Variants in NETO1 observed in about 807,000 individuals in gnomAD.
NETO1 encodes the protein neuropilin and tolloid-like protein 1.
NETO1 carries 26 observed loss-of-function variants against 61.3 expected under a neutral mutation model. The ratio of observed to expected loss-of-function variants is 0.42; its 90% CI spans 0.31 to 0.59. The LOEUF is 0.59. Among genes scored for constraint, NETO1 ranks in the 20% least tolerant of loss-of-function variants. NETO1 has a pLI of 0.12. For missense variants in NETO1, 531 were observed against 662.8 expected (o/e 0.80, Z 2.18); for synonymous variants, 225 against 225.8 (o/e 1.00, Z 0.03).
intron 4 of NETO1, among the ~76,000 whole-genome samples, chr18:72,824,569 TAAA>T (rs955286435): frequency 1.2e-4 from 19 of 152,234 alleles, no homozygotes; most frequent in Admixed American, 1.2e-3. Flanking sequence ...TGAATTGCCA[TAAA>T]AGAGATTTGG....
At chr18:72,819,567 AT>A (rs1163660212) in intron 4 of NETO1, among the ~76,000 whole-genome samples, 3 of 152,190 alleles carry the variant, frequency 2.0e-5, no homozygotes, top group African/African-American at 7.2e-5. Flanking sequence ...ACACTAAAAT[AT>A]GTAAAGAAAT....
intron 7 of NETO1, among the ~76,000 whole-genome samples, chr18:72,777,592 A>G (rs1002066021): frequency 2.6e-5 from 4 of 151,420 alleles, no homozygotes; most frequent in Non-Finnish European, 4.4e-5. Flanking sequence ...ATACAAAAAA[A>G]ATTAGCAGGG....
intron 4 of NETO1, among the ~76,000 whole-genome samples, 195 bp downstream of exon 4, chr18:72,858,631 T>C (rs1599177425): frequency 6.6e-6 from 1 of 152,168 alleles, no homozygotes; most frequent in South Asian, 2.1e-4. Flanking sequence ...TTACCTCTAG[T>C]ATAGGCTGTT....
chr18:72,810,384 T>G (rs1426318453), intron 4 of NETO1, among the ~76,000 whole-genome samples: 1 of 152,170 alleles, frequency 6.6e-6, no homozygotes, highest in African/African-American at 2.4e-5. Context: ...CTAGAAAGCA[T>G]AGTCTCCATC....
At chr18:72,799,304 T>A (rs564586457) in intron 4 of NETO1, among the ~76,000 whole-genome samples, 1 of 152,204 alleles carries the variant, frequency 6.6e-6, no homozygotes, top group African/African-American at 2.4e-5. Flanking sequence ...GGATGACGAG[T>A]CTACCAGTAC....
At chr18:72,827,716 C>CA (rs535573315) in intron 4 of NETO1, among the ~76,000 whole-genome samples, 16,592 of 99,948 alleles carry the variant, frequency 0.17, 1,717 homozygotes, top group East Asian at 0.37. Flanking sequence ...GACCCTGTCT[C>CA]AAAAAAAAAA....
At chr18:72,761,853 C>T (rs1432459512) in intron 7 of NETO1, among the ~76,000 whole-genome samples, 2 of 152,052 alleles carry the variant, frequency 1.3e-5, no homozygotes, top group Non-Finnish European at 2.9e-5. Flanking sequence ...AAATTTAGTA[C>T]AATATTTTGC....
At position 72,778,967 on chromosome 18, in the gene NETO1, T is replaced by C. The variant is rs549951388; in HGVS notation, c.868+4711A>G. ...CTAGAACAAAATACCATAGACTAGATGGCTTGTAAACAACATTAAAAATTC... is the reference window on the plus strand; with the variant it reads ...CTAGAACAAAATACCATAGACTAGACGGCTTGTAAACAACATTAAAAATTC... On this transcript the variant is annotated intron_variant, in intron 7 of 10. Coordinates refer to ENST00000327305, the MANE Select transcript of NETO1 (RefSeq NM_138966.5). Among the ~76,000 whole-genome samples, 786 of 152,312 alleles carry C rather than the reference T, an allele frequency of 5.2e-3. 5 individuals are homozygous for C. Among genetic ancestry groups the C allele is most frequent in the African/African-American group, 0.018 (749 of 41,570 alleles).
Position 72,783,710 on chromosome 18 carries a change from C to T in NETO1, c.836G>A (p.Arg279Gln), listed in dbSNP as rs1395330447. The change falls in exon 7 of 11, where the codon CGA becomes CAA. Residue 279 changes from arginine (R) to glutamine (Q), a missense_variant. Transcript: ENST00000327305. ...AAAGGATGTGAAGAGCATCTGAAAT[C>T]GGCTGTTTCGACTGCCCTCATCTGC... ...MWADEGSRNSRFQMLFTSFQE... is the reference protein window; with the variant it reads ...MWADEGSRNSQFQMLFTSFQE... 2.5e-6 allele frequency: 4 copies of T among 1,613,994 alleles called. No individual in the cohort carries two copies. The highest frequency in any genetic ancestry group is 3.4e-6 in the Non-Finnish European group (4 of 1,180,002).
intron 4 of NETO1, among the ~76,000 whole-genome samples, chr18:72,813,473 G>T (rs1367788731): frequency 6.6e-6 from 1 of 152,118 alleles, no homozygotes; most frequent in Non-Finnish European, 1.5e-5. Context: ...GAGAAGAAAT[G>T]AATCTTGAAA....
chr18:72,756,486 A>C (rs2070787476), intron 7 of NETO1, among the ~76,000 whole-genome samples: 1 of 152,192 alleles, frequency 6.6e-6, no homozygotes, highest in African/African-American at 2.4e-5. Flanking sequence ...CTTTATACAG[A>C]AAGAATGTAT....
At chr18:72,826,504 A>G (rs2073378145) in intron 4 of NETO1, among the ~76,000 whole-genome samples, 1 of 149,880 alleles carries the variant, frequency 6.7e-6, no homozygotes, top group Non-Finnish European at 1.5e-5. Flanking sequence ...TTTGACCCTC[A>G]TATTTTGTGT....
chr18:72,833,926 T>C (rs933172955), intron 4 of NETO1: 7 of 169,380 alleles, frequency 4.1e-5, no homozygotes, highest in African/African-American at 1.7e-4. Context: ...CTTGAAAATA[T>C]GTATTTTCAC....
chr18:72,812,452 T>C (rs1377428961), intron 4 of NETO1, among the ~76,000 whole-genome samples: 1 of 152,170 alleles, frequency 6.6e-6, no homozygotes, highest in Non-Finnish European at 1.5e-5. Flanking sequence ...AACGTCATCA[T>C]TGAATTTTAA....
At chr18:72,861,802 A>T (rs1332094199) in intron 3 of NETO1, among the ~76,000 whole-genome samples, 2 of 152,216 alleles carry the variant, frequency 1.3e-5, no homozygotes, top group East Asian at 3.8e-4. Context: ...TTTTAGAATT[A>T]AATATGTGCA....
chr18:72,858,803 T>G (rs770939667), intron 4 of NETO1, 23 bp downstream of exon 4: 1 of 1,567,346 alleles, frequency 6.4e-7, no homozygotes, highest in Admixed American at 2.0e-5. Flanking sequence ...AAAAAGAAAT[T>G]TTTTTTTTAA....
At chr18:72,866,918 A>C in intron 1 of NETO1, 3 of 476,816 alleles carry the variant, frequency 6.3e-6, no homozygotes, top group Non-Finnish European at 9.2e-6. Context: ...CCCACTAGGT[A>C]TCATCCGCGC....
At chr18:72,758,385 T>TTGTGTGTGTGTGTGTGTGTG (rs71166416) in intron 7 of NETO1, among the ~76,000 whole-genome samples, 97 of 142,906 alleles carry the variant, frequency 6.8e-4, no homozygotes, top group African/African-American at 2.2e-3. Context: ...TTTTTTTTCT[T>TTGTGTGTGTGTGTGTGTGTG]TGTGTGTGTG....
In NETO1 at chr18:72,748,045, GTCTGTAAT is replaced by G. The variant is rs1340267259; in HGVS notation, c.*126_*133del. On this transcript the variant is annotated 3_prime_UTR_variant, in exon 11 of 11. Transcript: ENST00000327305. ...ATGTCTTGCCGAAGGAATAACAAATGTCTGTAATTCTTAAGTTTGGATAAAGGCAGTGG... is the reference window on the plus strand; with the variant it reads ...ATGTCTTGCCGAAGGAATAACAAATGTCTTAAGTTTGGATAAAGGCAGTGG... 1.4e-6 allele frequency: 1 copy of G among 706,494 alleles called. No individual in the cohort carries two copies. The highest frequency in any genetic ancestry group is 1.7e-6 in the Non-Finnish European group (1 of 575,192). The allele number at this position is 706,494 out of a possible 1,614,324, so 43.8% of individuals were successfully genotyped here.
Sources: gnomAD v4.1 joint callset for allele counts (sites outside exome capture counted in the v4.1 genomes callset) on GRCh38, gnomAD v4.1.1 for gene constraint, MANE v1.5 for transcripts, NCBI Gene and HGNC (gene_info 2026-07-23, HGNC 2026-07-21) for gene names.